The following CCBE1 variants were observed in gnomAD, a reference collection of about 807,000 sequenced individuals.
The protein encoded by CCBE1 is collagen and calcium binding EGF domains 1.
A neutral mutation model predicts 50.0 loss-of-function variants in CCBE1; 37 were observed. The ratio of observed to expected loss-of-function variants is 0.74; its 90% CI spans 0.57 to 0.97. The LOEUF is 0.97. CCBE1 is among the 50% of genes least tolerant of loss of function. The pLI is 0.00. For synonymous variants in CCBE1, 234 were observed against 203.7 expected, an observed-to-expected ratio of 1.15 and a Z score of -1.27; for missense variants, 538 against 523.8, an observed-to-expected ratio of 1.03 and a Z score of -0.26.
chr18:59,538,214 A>T (rs1915329019), intron 2 of CCBE1, among the ~76,000 whole-genome samples: 1 of 152,226 alleles, frequency 6.6e-6, no homozygotes, highest in Non-Finnish European at 1.5e-5. Flanking sequence ...TCATTCTCAA[A>T]AACTCCATAG....
rs371232700 is a variant in CCBE1, at chr18:59,511,184, A to G, written c.213-30946T>C. Among the ~76,000 whole-genome samples, 5 of 152,230 alleles carry G rather than the reference A, an allele frequency of 3.3e-5. No individual in the cohort carries two copies. In the South Asian group the frequency reaches 1.0e-3, roughly 31 times the overall value. On this transcript the variant is annotated intron_variant, in intron 2 of 10. Coordinates refer to ENST00000439986, the MANE Select transcript of CCBE1 (RefSeq NM_133459.4). ...TGTGCACTTGCAAGTACTGGCAACTATACCCTAACTGGTGCCTAACTAACT... is the reference window on the plus strand; with the variant it reads ...TGTGCACTTGCAAGTACTGGCAACTGTACCCTAACTGGTGCCTAACTAACT...
At chr18:59,610,486 A>G (rs2053553771) in intron 2 of CCBE1, among the ~76,000 whole-genome samples, 1 of 150,184 alleles carries the variant, frequency 6.7e-6, no homozygotes, top group Non-Finnish European at 1.5e-5. Context: ...GACTCTAGCC[A>G]GAGAAAATCT....
chr18:59,613,011 C>T (rs2053593550), intron 2 of CCBE1, among the ~76,000 whole-genome samples: 1 of 151,906 alleles, frequency 6.6e-6, no homozygotes, highest in Admixed American at 6.6e-5. Flanking sequence ...AAGGTATGGA[C>T]TTTAAATCCT....
At chr18:59,646,635 T>C (rs972577644) in intron 2 of CCBE1, among the ~76,000 whole-genome samples, 2 of 152,220 alleles carry the variant, frequency 1.3e-5, no homozygotes, top group Non-Finnish European at 2.9e-5. Flanking sequence ...GACTCTCAAA[T>C]GGGTCTAACC....
intron 2 of CCBE1, among the ~76,000 whole-genome samples, chr18:59,492,999 G>A (rs1913181868): frequency 6.6e-6 from 1 of 152,220 alleles, no homozygotes. Context: ...CAGTTCCAGT[G>A]GCGCTCGGCC....
At chr18:59,610,560 G>C (rs912582621) in intron 2 of CCBE1, among the ~76,000 whole-genome samples, 10 of 152,126 alleles carry the variant, frequency 6.6e-5, no homozygotes, top group African/African-American at 1.9e-4. Context: ...GAATCCACCA[G>C]AATATAATGT....
chr18:59,624,939 T>C (rs1427003592), intron 2 of CCBE1, among the ~76,000 whole-genome samples: 1 of 152,234 alleles, frequency 6.6e-6, no homozygotes, highest in Non-Finnish European at 1.5e-5. Context: ...CACTCACACA[T>C]AGCTATGCAA....
At chr18:59,565,280 T>C (rs115692664) in intron 2 of CCBE1, among the ~76,000 whole-genome samples, 2,633 of 103,666 alleles carry the variant, frequency 0.025, 73 homozygotes, top group African/African-American at 0.15. Flanking sequence ...GCTGTCAGAG[T>C]TCTAGGAAGT....
chr18:59,592,175 T>C (rs2053280151), intron 2 of CCBE1, among the ~76,000 whole-genome samples: 1 of 152,188 alleles, frequency 6.6e-6, no homozygotes, highest in Admixed American at 6.5e-5. Context: ...AGTGAGCTAT[T>C]ATCCTGCCTG....
upstream of CCBE1, chr18:59,697,491 G>A (rs2054828245): frequency 4.0e-6 from 4 of 998,414 alleles, no homozygotes; most frequent in South Asian, 5.1e-5. Flanking sequence ...GCAGGGGTCC[G>A]GAATATTATG....
chr18:59,597,020 T>C (rs2144550568), intron 2 of CCBE1, among the ~76,000 whole-genome samples: 1 of 152,358 alleles, frequency 6.6e-6, no homozygotes, highest in South Asian at 2.1e-4. Context: ...AGCAGTATAC[T>C]TTATTCAATA....
chr18:59,440,502 C>T (rs1190837703), intron 7 of CCBE1, among the ~76,000 whole-genome samples: 2 of 152,170 alleles, frequency 1.3e-5, no homozygotes, highest in African/African-American at 4.8e-5. Flanking sequence ...CTTTTCACCC[C>T]TTGCCCATTT....
At chr18:59,487,436 T>C (rs1001271857) in intron 2 of CCBE1, among the ~76,000 whole-genome samples, 1 of 151,934 alleles carries the variant, frequency 6.6e-6, no homozygotes, top group Non-Finnish European at 1.5e-5. Context: ...CATGACTTTG[T>C]GTGAACTACT....
intron 2 of CCBE1, among the ~76,000 whole-genome samples, chr18:59,577,117 G>A (rs1263600200): frequency 2.0e-5 from 3 of 152,198 alleles, no homozygotes; most frequent in Non-Finnish European, 4.4e-5. Flanking sequence ...GTTTGCGGTG[G>A]GTCTGTTTCT....
intron 7 of CCBE1, among the ~76,000 whole-genome samples, chr18:59,447,170 C>G (rs369619800): frequency 6.6e-6 from 1 of 152,088 alleles, no homozygotes; most frequent in African/African-American, 2.4e-5. Flanking sequence ...AGTACACATT[C>G]ACAAGAATTT....
chr18:59,541,094 G>A (rs1027763257), intron 2 of CCBE1, among the ~76,000 whole-genome samples: 24 of 152,186 alleles, frequency 1.6e-4, no homozygotes, highest in African/African-American at 5.3e-4. Flanking sequence ...AGATCATCAT[G>A]TCATTAATCG....
At chr18:59,578,449 A>G (rs1307120485) in intron 2 of CCBE1, among the ~76,000 whole-genome samples, 1 of 152,240 alleles carries the variant, frequency 6.6e-6, no homozygotes, top group Non-Finnish European at 1.5e-5. Flanking sequence ...ATTACTGGGT[A>G]TATACCCAAA....
chr18:59,636,664 TG>T (rs1352374920), intron 2 of CCBE1, among the ~76,000 whole-genome samples: 1 of 152,168 alleles, frequency 6.6e-6, no homozygotes, highest in Non-Finnish European at 1.5e-5. Context: ...CAAAACAGAA[TG>T]TTTACCAACA....
chr18:59,693,007 CAAAA>C (rs2054756325), intron 2 of CCBE1, among the ~76,000 whole-genome samples: 1 of 146,592 alleles, frequency 6.8e-6, no homozygotes, highest in Admixed American at 6.8e-5. Flanking sequence ...CACACACAAA[CAAAA>C]AACGCAAAGC....
Sources: allele counts gnomAD v4.1 joint callset (sites outside exome capture counted in the v4.1 genomes callset), GRCh38; gene constraint gnomAD v4.1.1; transcripts MANE v1.5; gene names NCBI Gene and HGNC (gene_info 2026-07-23, HGNC 2026-07-21).